ZUP1: variants seen among roughly 807,000 people sequenced by gnomAD.
ZUP1 encodes the protein zinc finger containing ubiquitin peptidase 1.
Under a neutral mutation model 68.1 loss-of-function variants are expected in ZUP1, and 55 were observed. The ratio of observed to expected loss-of-function variants is 0.81; its 90% CI spans 0.65 to 1.01. The LOEUF (loss-of-function observed/expected upper bound fraction) is 1.01. ZUP1 is among the 50% of genes least tolerant of loss of function. ZUP1 has a pLI of 0.00. For missense variants in ZUP1, 684 were observed against 674.9 expected, an observed-to-expected ratio of 1.01 and a Z score of -0.15; for synonymous variants, 223 against 221.5, an observed-to-expected ratio of 1.01 and a Z score of -0.06.
chr6:116,645,682 C>G, intron 9 of ZUP1, 32 bp downstream of exon 9: 1 of 1,485,766 alleles, frequency 6.7e-7, no homozygotes, highest in Non-Finnish European at 9.1e-7. Flanking sequence ...TCATCTCATT[C>G]AAACTTCACA....
intron 9 of ZUP1, among the ~76,000 whole-genome samples, chr6:116,636,702 A>C (rs974853568): frequency 6.6e-6 from 1 of 152,184 alleles, no homozygotes; most frequent in African/African-American, 2.4e-5. Context: ...TTATTAAAAG[A>C]TCAGAACTAA....
chr6:116,635,769 A>G lies in ZUP1; in HGVS notation c.*63T>C, dbSNP rs1287614354. ...ATTCATAATTGTATTAAGGAGTTCA[A>G]TATCTACATTTAGAAAACAAAGTAT... On this transcript the variant is annotated 3_prime_UTR_variant, in exon 10 of 10. Transcript: ENST00000368576. 5.2e-6 allele frequency: 7 copies of G among 1,334,878 alleles called. No individual in the cohort carries two copies. The highest frequency in any genetic ancestry group is 2.2e-5 in the Admixed American group (1 of 45,292). The allele number at this position is 1,334,878 out of a possible 1,614,324, so 82.7% of individuals were successfully genotyped here.
Position 116,667,097 on chromosome 6 carries a change from T to C in ZUP1, c.96A>G (p.Pro32=). The stretch of plus-strand genomic sequence containing the variant: ...AATTCACACCTGACAACTTGCAAAA[T>C]GGACATATAATTTCACTTTCCATGT... ...IVHMESEIIC[P]FCKLSGVNYD... is the part of the protein sequence containing the mutation. The change falls in exon 2 of 10, where the codon CCA becomes CCG. Residue 32 remains proline, a synonymous_variant. Coordinates refer to ENST00000368576, the MANE Select transcript of ZUP1 (RefSeq NM_145062.3). The C allele has an allele frequency of 6.2e-7, 1 of 1,613,732 alleles. No homozygotes were observed. Among genetic ancestry groups the C allele is most frequent in the Non-Finnish European group, 8.5e-7 (1 of 1,179,826 alleles).
At chr6:116,662,721 C>G (rs1055599268) in intron 2 of ZUP1, among the ~76,000 whole-genome samples, 2 of 152,150 alleles carry the variant, frequency 1.3e-5, no homozygotes, top group African/African-American at 4.8e-5. Flanking sequence ...ACCCCATTTT[C>G]TCTACAGCCC....
Position 116,635,640 on chromosome 6 carries a change from T to G in ZUP1, c.*192A>C. The G allele has an allele frequency of 2.3e-6, 1 of 442,810 alleles. No homozygotes were observed. Among genetic ancestry groups the G allele is most frequent in the Non-Finnish European group, 3.9e-6 (1 of 258,666 alleles). The allele number at this position is 442,810 out of a possible 1,614,324, so 27.4% of individuals were successfully genotyped here. A position where few individuals can be genotyped will look rare whatever the true frequency, so the allele number is the denominator to read the frequency against. On this transcript the variant is annotated 3_prime_UTR_variant, in exon 10 of 10. Coordinates refer to ENST00000368576, the MANE Select transcript of ZUP1 (RefSeq NM_145062.3). ...ATCCACAATGCAAAAACAAGACATT[T>G]TATTGAAATAATTTACCAAACAATG...
At chr6:116,662,455 G>A (rs1776871968) in intron 2 of ZUP1, among the ~76,000 whole-genome samples, 1 of 152,082 alleles carries the variant, frequency 6.6e-6, no homozygotes, top group African/African-American at 2.4e-5. Context: ...AGTCATCTAG[G>A]GCTGATGTAA....
intron 9 of ZUP1, among the ~76,000 whole-genome samples, chr6:116,641,484 A>G (rs1776097511): frequency 6.6e-6 from 1 of 152,054 alleles, no homozygotes; most frequent in South Asian, 2.1e-4. Flanking sequence ...ATTATAACAA[A>G]CTGTCTCTCA....
At chr6:116,641,409 C>A (rs1219938793) in intron 9 of ZUP1, among the ~76,000 whole-genome samples, 4 of 152,058 alleles carry the variant, frequency 2.6e-5, no homozygotes, top group Non-Finnish European at 4.4e-5. Context: ...CCACACCACA[C>A]CTATTCCAAA....
intron 9 of ZUP1, among the ~76,000 whole-genome samples, chr6:116,639,851 A>G (rs1084884): frequency 0.22 from 33,035 of 152,214 alleles, 3,860 homozygotes; most frequent in Non-Finnish European, 0.28. Flanking sequence ...TGACTTTGAC[A>G]AGTTGAGAGA....
intron 9 of ZUP1, among the ~76,000 whole-genome samples, chr6:116,640,255 A>C (rs1419529853): frequency 6.6e-6 from 1 of 152,212 alleles, no homozygotes; most frequent in Non-Finnish European, 1.5e-5. Flanking sequence ...CCAAGTTGGA[A>C]AACACTCTGC....
Position 116,651,072 on chromosome 6 carries a change from T to C in ZUP1, c.1316+500A>G, listed in dbSNP as rs899061870. 1.8e-4 allele frequency among the ~76,000 whole-genome samples: 28 copies of C among 151,770 alleles called. 1 individual carries two copies. Among genetic ancestry groups the C allele is most frequent in the Admixed American group, 1.7e-3 (26 of 15,236 alleles). ...GCCTCAGATTACATGACAGGTAGAG[T>C]GCAAAAACTTGAGGCCATGATGTCG... On this transcript the variant is annotated intron_variant, in intron 7 of 9. Coordinates refer to ENST00000368576, the MANE Select transcript of ZUP1 (RefSeq NM_145062.3).
intron 2 of ZUP1, among the ~76,000 whole-genome samples, chr6:116,665,811 G>C (rs1221157815): frequency 7.0e-6 from 1 of 143,134 alleles, no homozygotes; most frequent in South Asian, 2.2e-4. Flanking sequence ...GGATCGTCTC[G>C]AACTCCTGGA....
intron 5 of ZUP1, among the ~76,000 whole-genome samples, chr6:116,654,744 A>G (rs549567025): frequency 6.6e-6 from 1 of 152,190 alleles, no homozygotes; most frequent in South Asian, 2.1e-4. Context: ...AACTCAATAG[A>G]GAATAGAGAA....
In ZUP1 at chr6:116,667,084, A is replaced by T. The variant is rs1225901731; in HGVS notation, c.109T>A (p.Ser37Thr). The change falls in exon 2 of 10, where the codon TCA becomes ACA. Residue 37 changes from serine (S) to threonine (T), a missense_variant. Physicochemically the swap from Ser to Thr is moderately conservative, Grantham distance 58. Transcript: ENST00000368576. ...CACATTTCATCATAATTCACACCTGACAACTTGCAAAATGGACATATAATT... is the reference window on the plus strand; with the variant it reads ...CACATTTCATCATAATTCACACCTGTCAACTTGCAAAATGGACATATAATT... ...SEIICPFCKL[S>T]GVNYDEMCFH... 6.2e-7 allele frequency: 1 copy of T among 1,613,828 alleles called. No homozygotes were observed. The highest frequency in any genetic ancestry group is 2.2e-5 in the East Asian group (1 of 44,808).
Position 116,645,946 on chromosome 6 carries a change from T to C in ZUP1, c.1469-12A>G. Reference sequence around the variant, plus strand: ...AGTTCGACTGTGACCTATCAAAAGATTTTTAAGTTATACATACGTCACATC... The same window carrying C: ...AGTTCGACTGTGACCTATCAAAAGACTTTTAAGTTATACATACGTCACATC... On this transcript the variant is annotated splice_polypyrimidine_tract_variant and intron_variant, in intron 8 of 9. Transcript: ENST00000368576. 2 of 1,594,980 alleles carry C rather than the reference T, an allele frequency of 1.3e-6. No homozygotes were observed. The highest frequency in any genetic ancestry group is 2.7e-5 in the African/African-American group (2 of 74,286).
rs1583364950 is a variant in ZUP1 at position 116,645,695 on chromosome 6, T to C, written c.1689+19A>G. ...GTTCATCTCATTCAAACTTCACATA[T>C]AAATATTTAGATACTTACAAGTTTC... On this transcript the variant is annotated intron_variant, in intron 9 of 9. Transcript: ENST00000368576. 9.1e-6 allele frequency: 14 copies of C among 1,546,490 alleles called. No individual in the cohort carries two copies. The highest frequency in any genetic ancestry group is 1.2e-5 in the Non-Finnish European group (14 of 1,138,412).
rs569494518 is a variant in ZUP1, at chr6:116,644,695, G to T, written c.1689+1019C>A. 1.1e-4 allele frequency among the ~76,000 whole-genome samples: 17 copies of T among 151,926 alleles called. No homozygotes were observed. In the East Asian group the frequency reaches 2.7e-3, roughly 24 times the overall value. ...CACACTCTGGGGACTGTTGTGGGGT[G>T]GGGGGAGTGGGGAGGGATAGCATTA... On this transcript the variant is annotated intron_variant, in intron 9 of 9. Coordinates refer to ENST00000368576, the MANE Select transcript of ZUP1 (RefSeq NM_145062.3).
rs780375094 is a variant in ZUP1, at chr6:116,667,186, A to G, written c.7T>C (p.Ser3Pro). 1 of 1,577,674 alleles carries G rather than the reference A, an allele frequency of 6.3e-7. No individual in the cohort carries two copies. The highest frequency in any genetic ancestry group is 8.6e-7 in the Non-Finnish European group (1 of 1,161,874). The stretch of plus-strand genomic sequence containing the variant: ...ACTGTTTCACCACAAATATTACAGG[A>G]AAGCATGGTATTGACAAGTAGCTAG... The part of the protein sequence containing the change: ML[S>P]CNICGETVTS... The change falls in exon 2 of 10, where the codon TCC becomes CCC. Residue 3 changes from serine (S) to proline (P), a missense_variant. Physicochemically the swap from Ser to Pro is moderately conservative, Grantham distance 74 (BLOSUM62 -1). Coordinates refer to ENST00000368576, the MANE Select transcript of ZUP1 (RefSeq NM_145062.3).
chr6:116,663,410 T>C (rs539295870), intron 2 of ZUP1, among the ~76,000 whole-genome samples: 63 of 152,298 alleles, frequency 4.1e-4, no homozygotes, highest in African/African-American at 1.5e-3. Flanking sequence ...TCTGTACTTC[T>C]AATGACAACA....
Sources: gnomAD v4.1 joint callset for allele counts (sites outside exome capture counted in the v4.1 genomes callset) on GRCh38, gnomAD v4.1.1 for gene constraint, MANE v1.5 for transcripts, NCBI Gene and HGNC (gene_info 2026-07-23, HGNC 2026-07-21) for gene names.